FMN1: variants seen among roughly 807,000 people sequenced by gnomAD.
The protein encoded by FMN1 is formin-1.
In FMN1, 110 loss-of-function variants were observed where a neutral mutation model predicts 132.4. The ratio of observed to expected loss-of-function variants is 0.83; its 90% confidence interval spans 0.71 to 0.97. FMN1 has a LOEUF of 0.97. Ranked by LOEUF, FMN1 falls within the 50% of genes least tolerant of loss-of-function variation. FMN1 has a pLI of 0.00. For synonymous variants in FMN1, 722 were observed against 651.7 expected (o/e 1.11, Z -1.64); for missense variants, 1,792 against 1,705.3 (o/e 1.05, Z -0.90).
intron 16 of FMN1, among the ~76,000 whole-genome samples, chr15:32,880,166 C>A (rs1364782208): frequency 7.3e-6 from 1 of 136,792 alleles, no homozygotes; most frequent in East Asian, 2.2e-4. Context: ...CTTGGTTAGA[C>A]TAGCGTTTGG....
intron 4 of FMN1, among the ~76,000 whole-genome samples, chr15:33,126,641 G>A (rs1382631583): frequency 2.0e-5 from 3 of 152,242 alleles, no homozygotes; most frequent in African/African-American, 4.8e-5. Context: ...GAAGTGTTAA[G>A]TTGCAAATCC....
chr15:33,194,321 T>C lies in FMN1; in HGVS notation c.-349+257A>G, dbSNP rs1368509122. Among the ~76,000 whole-genome samples, 9 of 115,622 alleles carry C rather than the reference T, an allele frequency of 7.8e-5. No individual in the cohort carries two copies. The East Asian group carries it at 2.8e-3, about 35-fold the overall frequency. 75.9% of individuals were successfully genotyped at this position (115,622 alleles called of 152,430 possible). On this transcript the variant is annotated intron_variant, in intron 1 of 20. Coordinates refer to ENST00000616417, the MANE Select transcript of FMN1 (RefSeq NM_001277313.2). The stretch of plus-strand genomic sequence containing the variant: ...CTGGCGGGTCAAGGGGGCTGGGACC[T>C]GAGAGTCAACGACAGGAGTTCTGTA...
At chr15:33,133,852 A>G (rs1247922593) in intron 4 of FMN1, among the ~76,000 whole-genome samples, 1 of 152,246 alleles carries the variant, frequency 6.6e-6, no homozygotes, top group Non-Finnish European at 1.5e-5. Context: ...CCAGGATACT[A>G]AGATCAAACC....
chr15:33,101,934 T>C (rs1299965966), intron 4 of FMN1, among the ~76,000 whole-genome samples: 2 of 152,128 alleles, frequency 1.3e-5, no homozygotes, highest in Non-Finnish European at 2.9e-5. Context: ...ATACACTTCC[T>C]TGTCTATTCA....
intron 15 of FMN1, among the ~76,000 whole-genome samples, chr15:32,891,103 A>G (rs1433818507): frequency 6.6e-6 from 1 of 152,076 alleles, no homozygotes; most frequent in African/African-American, 2.4e-5. Flanking sequence ...CTATGTGCCT[A>G]TTTTTATACC....
At chr15:33,152,389 G>A (rs368447654) in intron 4 of FMN1, among the ~76,000 whole-genome samples, 3 of 151,944 alleles carry the variant, frequency 2.0e-5, no homozygotes, top group East Asian at 3.8e-4. Flanking sequence ...AGATACCTAC[G>A]GAATAAAGTC....
chr15:33,138,237 T>C lies in FMN1; in HGVS notation c.1867+14811A>G, dbSNP rs572309522. Reference sequence around the variant, plus strand: ...TGCTCTGTCAGCAGGAACACTATCATTGACTGCCTGTACTTGAGGGAATCA... The same window carrying C: ...TGCTCTGTCAGCAGGAACACTATCACTGACTGCCTGTACTTGAGGGAATCA... On this transcript the variant is annotated intron_variant, in intron 4 of 20. Coordinates refer to ENST00000616417, the MANE Select transcript of FMN1 (RefSeq NM_001277313.2). Among the ~76,000 whole-genome samples, 3 of 152,300 alleles carry C rather than the reference T, an allele frequency of 2.0e-5. No homozygotes were observed. In the South Asian group the frequency reaches 6.2e-4, roughly 32 times the overall value.
At chr15:32,826,601 A>G (rs1307272482) in intron 17 of FMN1, among the ~76,000 whole-genome samples, 2 of 152,206 alleles carry the variant, frequency 1.3e-5, no homozygotes, top group Non-Finnish European at 2.9e-5. Context: ...ACAACAAGGG[A>G]GTCTCTCTTC....
chr15:33,000,006 T>A (rs2034000922), intron 7 of FMN1, among the ~76,000 whole-genome samples: 1 of 152,076 alleles, frequency 6.6e-6, no homozygotes, highest in Non-Finnish European at 1.5e-5. Context: ...CTTCACAGAG[T>A]GACACATCTG....
At chr15:33,056,943 G>A (rs889709167) in intron 6 of FMN1, among the ~76,000 whole-genome samples, 2 of 152,212 alleles carry the variant, frequency 1.3e-5, no homozygotes, top group Non-Finnish European at 2.9e-5. Flanking sequence ...TTGGGAGGCT[G>A]AGGCAGGCGA....
At chr15:33,132,515 AT>A (rs1963591759) in intron 4 of FMN1, among the ~76,000 whole-genome samples, 1 of 152,162 alleles carries the variant, frequency 6.6e-6, no homozygotes, top group East Asian at 1.9e-4. Context: ...ACCAGAGCTG[AT>A]TTAGAGCTCT....
At chr15:33,182,081 G>A (rs1053357704) in intron 2 of FMN1, among the ~76,000 whole-genome samples, 1 of 152,216 alleles carries the variant, frequency 6.6e-6, no homozygotes, top group East Asian at 1.9e-4. Context: ...ACATCTGGAA[G>A]CAGAGAGAAG....
intron 6 of FMN1, among the ~76,000 whole-genome samples, chr15:33,027,456 G>GTA (rs1362531031): frequency 6.6e-6 from 1 of 152,160 alleles, no homozygotes. Context: ...AGTGAGAACT[G>GTA]TATGCAATGG....
At position 32,804,276 on chromosome 15, in the gene FMN1, C is replaced by T. The variant is rs981741997; in HGVS notation, c.3980+5G>A. On this transcript the variant is annotated splice_donor_5th_base_variant and intron_variant, in intron 18 of 20. Transcript: ENST00000616417. Reference sequence around the variant, plus strand: ...AAGAACTGGGGCCAAATCAGAGCTGCTTACCTTTTCTGTGCATTCTCCAAG... The same window carrying T: ...AAGAACTGGGGCCAAATCAGAGCTGTTTACCTTTTCTGTGCATTCTCCAAG... The T allele has an allele frequency of 1.3e-6, 2 of 1,563,436 alleles. No homozygotes were observed. Among genetic ancestry groups the T allele is most frequent in the South Asian group, 1.2e-5 (1 of 84,860 alleles).
At chr15:32,965,933 G>C (rs1364685949) in intron 8 of FMN1, among the ~76,000 whole-genome samples, 1 of 152,090 alleles carries the variant, frequency 6.6e-6, no homozygotes, top group Non-Finnish European at 1.5e-5. Flanking sequence ...ACTTCAACTT[G>C]AAGCATAAGC....
intron 14 of FMN1, among the ~76,000 whole-genome samples, chr15:32,899,294 AAAC>A (rs2060237005): frequency 1.3e-5 from 2 of 152,162 alleles, no homozygotes; most frequent in African/African-American, 4.8e-5. Context: ...ATGGTGTGAA[AAAC>A]AATCCAGGCC....
At chr15:32,897,441 A>C (rs567937082) in intron 15 of FMN1, among the ~76,000 whole-genome samples, 1 of 152,262 alleles carries the variant, frequency 6.6e-6, no homozygotes, top group Admixed American at 6.5e-5. Flanking sequence ...GAGAGGAGTA[A>C]TGAGAAAAAA....
chr15:32,918,044 A>T (rs1439362347), intron 10 of FMN1, among the ~76,000 whole-genome samples: 1 of 152,174 alleles, frequency 6.6e-6, no homozygotes, highest in African/African-American at 2.4e-5. Context: ...TTTGTTACAA[A>T]CTATTTGCAG....
chr15:32,804,526 T>TA (rs71424673), intron 17 of FMN1, among the ~76,000 whole-genome samples, 194 bp from the exon 18 acceptor site: 9 of 150,642 alleles, frequency 6.0e-5, no homozygotes, highest in Non-Finnish European at 8.9e-5. Context: ...TTTTTTTTTT[T>TA]AAATTATACT....
Sources: gnomAD v4.1 joint callset for allele counts (sites outside exome capture counted in the v4.1 genomes callset) on GRCh38, gnomAD v4.1.1 for gene constraint, MANE v1.5 for transcripts, NCBI Gene and HGNC (gene_info 2026-07-23, HGNC 2026-07-21) for gene names.